Variants in YEATS4 observed in about 807,000 individuals in gnomAD.
YEATS4 encodes the protein YEATS domain containing 4.
YEATS4 carries 17 observed loss-of-function variants against 30.1 expected under a neutral mutation model. The observed-to-expected ratio is 0.56, with a 90% CI of 0.39 to 0.85. The LOEUF (loss-of-function observed/expected upper bound fraction) is 0.85, where lower values mean the gene tolerates loss of function less well. Among genes scored for constraint, YEATS4 ranks in the 40% least tolerant of loss-of-function variants. The pLI, the probability that YEATS4 is intolerant of heterozygous loss-of-function variation, is 0.00. For synonymous variants in YEATS4, 85 were observed against 87.5 expected, an observed-to-expected ratio of 0.97 and a Z score of 0.16; for missense variants, 142 against 268.3, an observed-to-expected ratio of 0.53 and a Z score of 3.29.
the YEATS4 span, among the ~76,000 whole-genome samples, chr12:69,402,725 C>CT: frequency 0.14 from 15,493 of 113,054 alleles, 1,316 homozygotes; most frequent in East Asian, 0.39. Context: ...TCTTTCTTTT[C>CT]TTTTTTTTTT....
intron 6 of YEATS4, among the ~76,000 whole-genome samples, chr12:69,380,850 C>T (rs1360886061): frequency 6.6e-6 from 1 of 152,056 alleles, no homozygotes; most frequent in Non-Finnish European, 1.5e-5. Context: ...CCATGATGCC[C>T]CACAAGCCAC....
chr12:69,425,593 C>T, the YEATS4 span, among the ~76,000 whole-genome samples: 1 of 152,184 alleles, frequency 6.6e-6, no homozygotes, highest in African/African-American at 2.4e-5. Flanking sequence ...TTTGGCACCT[C>T]CCCCGACTTC....
downstream of YEATS4, among the ~76,000 whole-genome samples, chr12:69,392,267 C>T (rs999899713): frequency 5.9e-5 from 9 of 152,038 alleles, no homozygotes; most frequent in Non-Finnish European, 1.0e-4. Flanking sequence ...AAATTGGAAC[C>T]CTCATATATT....
chr12:69,400,610 G>T, the YEATS4 span, among the ~76,000 whole-genome samples: 10 of 151,858 alleles, frequency 6.6e-5, no homozygotes, highest in Non-Finnish European at 1.2e-4. Flanking sequence ...CACTTTGGGA[G>T]GCTAAGGCAT....
At chr12:69,417,154 ATTTTTTTTT>A in the YEATS4 span, among the ~76,000 whole-genome samples, 1 of 68,134 alleles carries the variant, frequency 1.5e-5, no homozygotes, top group Non-Finnish European at 3.3e-5. Flanking sequence ...TTTTTTAAAA[ATTTTTTTTT>A]TTTTTTTTTT....
intron 6 of YEATS4, among the ~76,000 whole-genome samples, chr12:69,381,400 C>A (rs1199332523): frequency 6.6e-6 from 1 of 152,186 alleles, no homozygotes; most frequent in Non-Finnish European, 1.5e-5. Context: ...TTGCTGTTAT[C>A]CTGTTCTTTT....
chr12:69,365,662 G>GC lies in YEATS4; in HGVS notation c.201_202insC (p.Phe68LeufsTer2). On this transcript the variant is annotated frameshift_variant, in exon 3 of 7. Transcript: ENST00000247843. LOFTEE classifies it high-confidence loss of function. ...TGTCAGCATATGTGAAGAAAATCCA[G>GC]TTTAAATTACATGAAAGCTATGGCA... 1 of 1,611,552 alleles carries GC rather than the reference G, an allele frequency of 6.2e-7. No individual in the cohort carries two copies. Among genetic ancestry groups the GC allele is most frequent in the Non-Finnish European group, 8.5e-7 (1 of 1,178,258 alleles).
At chr12:69,376,559 C>T (rs893516974) in intron 6 of YEATS4, among the ~76,000 whole-genome samples, 11 of 152,136 alleles carry the variant, frequency 7.2e-5, no homozygotes, top group African/African-American at 1.9e-4. Context: ...GGATAAATCC[C>T]GCTTGGTCAC....
chr12:69,398,942 AGATT>A, the YEATS4 span, among the ~76,000 whole-genome samples: 37 of 152,154 alleles, frequency 2.4e-4, no homozygotes, highest in African/African-American at 8.9e-4. Context: ...TGAGGTCAGG[AGATT>A]GAGACCATCC....
the YEATS4 span, among the ~76,000 whole-genome samples, chr12:69,400,057 C>T: frequency 6.6e-6 from 1 of 151,694 alleles, no homozygotes; most frequent in Non-Finnish European, 1.5e-5. Flanking sequence ...TAGTGGTGAT[C>T]GTTACACAAC....
At chr12:69,367,398 C>T (rs1366695403) in intron 4 of YEATS4, among the ~76,000 whole-genome samples, 2 of 151,758 alleles carry the variant, frequency 1.3e-5, no homozygotes, top group Non-Finnish European at 2.9e-5. Context: ...GACAGAGTTA[C>T]ACTCTGCTGC....
the YEATS4 span, among the ~76,000 whole-genome samples, chr12:69,417,589 A>G: frequency 1.3e-5 from 2 of 151,872 alleles, no homozygotes; most frequent in African/African-American, 2.4e-5. Flanking sequence ...CTCTACAGAA[A>G]TCGGTTACAG....
chr12:69,376,989 A>G (rs1456316621), intron 6 of YEATS4, among the ~76,000 whole-genome samples: 1 of 152,166 alleles, frequency 6.6e-6, no homozygotes, highest in Non-Finnish European at 1.5e-5. Flanking sequence ...TTATTGGCAT[A>G]TAATTGCTCA....
At chr12:69,417,056 A>G in the YEATS4 span, among the ~76,000 whole-genome samples, 232 of 151,976 alleles carry the variant, frequency 1.5e-3, 1 homozygote, top group African/African-American at 5.4e-3. Context: ...CTGGGCAACA[A>G]GAGCAAAACT....
chr12:69,405,025 G>A, the YEATS4 span, among the ~76,000 whole-genome samples: 1 of 152,230 alleles, frequency 6.6e-6, no homozygotes, highest in Non-Finnish European at 1.5e-5. Context: ...GAGAGAGGAA[G>A]ATACGGCCTT....
the YEATS4 span, among the ~76,000 whole-genome samples, chr12:69,410,407 A>G: frequency 6.6e-6 from 1 of 152,180 alleles, no homozygotes; most frequent in East Asian, 1.9e-4. Flanking sequence ...CTTCTTATTA[A>G]AACTTCTTAT....
chr12:69,400,805 T>C, the YEATS4 span: 1 of 152,206 alleles, frequency 6.6e-6, no homozygotes, highest in Non-Finnish European at 1.5e-5. Flanking sequence ...ATGTCTAATA[T>C]TCAGCCACAG....
At chr12:69,362,999 T>A (rs1875286515) in intron 2 of YEATS4, 92 bp downstream of exon 2, 1 of 1,263,342 alleles carries the variant, frequency 7.9e-7, no homozygotes, top group Non-Finnish European at 1.0e-6. Context: ...TTTTTTTTTT[T>A]TTTTTTTTTT....
chr12:69,376,187 C>T lies in YEATS4; in HGVS notation c.514+5212C>T, dbSNP rs556602209. On this transcript the variant is annotated intron_variant, in intron 6 of 6. Coordinates refer to ENST00000247843, the MANE Select transcript of YEATS4 (RefSeq NM_006530.4). ...TTCAAGACCAGCCTGGCCAACATGG[C>T]GAAACCCTTCTCTGCTAAAACTATA... Among the ~76,000 whole-genome samples the T allele has an allele frequency of 2.9e-4, 44 of 152,176 alleles. No individual in the cohort carries two copies. In the South Asian group the frequency reaches 6.2e-3, roughly 22 times the overall value.
Sources: gnomAD v4.1 joint callset for allele counts (sites outside exome capture counted in the v4.1 genomes callset) on GRCh38, gnomAD v4.1.1 for gene constraint, MANE v1.5 for transcripts, NCBI Gene and HGNC (gene_info 2026-07-23, HGNC 2026-07-21) for gene names.